Variants in HMGA2 observed in about 807,000 individuals in gnomAD.
HMGA2 encodes high mobility group AT-hook 2.
In HMGA2, 8 loss-of-function variants were observed where a neutral mutation model predicts 19.1. The ratio of observed to expected loss-of-function variants is 0.42; its 90% CI spans 0.25 to 0.76. The LOEUF is 0.76. Among genes scored for constraint, HMGA2 ranks in the 30% least tolerant of loss-of-function variants. The pLI is 0.28. For missense variants in HMGA2, 109 were observed against 136.3 expected (o/e 0.80, Z 1.00); for synonymous variants, 60 against 48.8 (o/e 1.23, Z -0.96).
chr12:65,951,657 T>A, intron 4 of HMGA2: 2 of 386,458 alleles, frequency 5.2e-6, no homozygotes, highest in Non-Finnish European at 9.4e-6. Context: ...CTTTTAAAAA[T>A]AAAACTATTT....
In HMGA2 at chr12:65,951,520, G is replaced by C. The variant is rs1274068734; in HGVS notation, c.282+105G>C. ...CCTTATTTCGCATTTTCTTACTTTT[G>C]GTTATCGTCCTGCAGTATTCCTGAA... On this transcript the variant is annotated intron_variant, in intron 4 of 4. Transcript: ENST00000403681. The C allele has an allele frequency of 1.4e-5, 11 of 779,900 alleles. No individual in the cohort carries two copies. The South Asian group carries it at 1.4e-4, about 10-fold the overall frequency. The allele number at this position is 779,900 out of a possible 1,614,324, so 48.3% of individuals were successfully genotyped here.
chr12:65,882,147 G>A (rs1304861667), intron 3 of HMGA2: 3 of 413,890 alleles, frequency 7.2e-6, no homozygotes, highest in Non-Finnish European at 1.4e-5. Flanking sequence ...AGCTGGGCAG[G>A]CGGCGAGGTC....
intron 3 of HMGA2, among the ~76,000 whole-genome samples, chr12:65,895,404 A>G (rs879272375): frequency 1.3e-5 from 2 of 152,110 alleles, no homozygotes; most frequent in Non-Finnish European, 2.9e-5. Flanking sequence ...CTTCCTTATG[A>G]TTACCTGAGG....
chr12:65,909,158 C>T (rs981382446), intron 3 of HMGA2, among the ~76,000 whole-genome samples: 1 of 152,144 alleles, frequency 6.6e-6, no homozygotes, highest in African/African-American at 2.4e-5. Context: ...ACAGAAAGTA[C>T]ATCTAAATCT....
At chr12:65,838,686 C>A in intron 3 of HMGA2, 117 bp downstream of exon 3, 2 of 753,340 alleles carry the variant, frequency 2.7e-6, no homozygotes, top group Non-Finnish European at 4.6e-6. Flanking sequence ...TTTGATGAAT[C>A]TTTGAAAGGG....
At chr12:65,892,585 T>C (rs1873957625) in intron 3 of HMGA2, among the ~76,000 whole-genome samples, 1 of 152,158 alleles carries the variant, frequency 6.6e-6, no homozygotes, top group South Asian at 2.1e-4. Context: ...CGCTTTTAAG[T>C]ATCCTGGTGA....
chr12:65,943,949 G>C (rs1876175080), intron 3 of HMGA2, among the ~76,000 whole-genome samples: 1 of 152,124 alleles, frequency 6.6e-6, no homozygotes, highest in African/African-American at 2.4e-5. Context: ...ATCACTAGGG[G>C]GCAGGTTCAT....
intron 3 of HMGA2, among the ~76,000 whole-genome samples, chr12:65,897,976 A>T (rs1874206073): frequency 6.6e-6 from 1 of 152,102 alleles, no homozygotes; most frequent in African/African-American, 2.4e-5. Context: ...AAAAAAAAAA[A>T]AAAAGTTAAA....
intron 4 of HMGA2, chr12:65,958,952 C>T (rs190779027): frequency 9.9e-5 from 15 of 152,284 alleles, no homozygotes; most frequent in Admixed American, 9.8e-4. Context: ...TGACACCACC[C>T]CTGTGTTTGT....
At chr12:65,915,157 C>T in intron 3 of HMGA2, 1 of 1,612,918 alleles carries the variant, frequency 6.2e-7, no homozygotes, top group African/African-American at 1.3e-5. Flanking sequence ...TCCAGGATAG[C>T]TCTTCATGTT....
intron 3 of HMGA2, among the ~76,000 whole-genome samples, chr12:65,907,411 CAA>C (rs762897630): frequency 2.0e-4 from 11 of 54,566 alleles, no homozygotes; most frequent in East Asian, 6.6e-4. Flanking sequence ...GATTCCGTCT[CAA>C]AAAAAAAAAA....
At chr12:65,854,045 G>T (rs1162297456) in intron 3 of HMGA2, among the ~76,000 whole-genome samples, 2 of 152,188 alleles carry the variant, frequency 1.3e-5, no homozygotes, top group African/African-American at 4.8e-5. Context: ...TAAACTATGT[G>T]TAATGCTGGG....
At chr12:65,897,692 G>C (rs757652553) in intron 3 of HMGA2, among the ~76,000 whole-genome samples, 2 of 152,220 alleles carry the variant, frequency 1.3e-5, no homozygotes, top group Non-Finnish European at 2.9e-5. Context: ...GGGCGTGGTG[G>C]CTCACGCCTG....
intron 3 of HMGA2, among the ~76,000 whole-genome samples, chr12:65,872,232 T>G (rs1872745306): frequency 6.6e-6 from 1 of 152,200 alleles, no homozygotes; most frequent in African/African-American, 2.4e-5. Context: ...CCCGTCCTGA[T>G]GTCTCTTCTG....
intron 3 of HMGA2, 71 bp downstream of exon 3, chr12:65,838,640 T>C: frequency 1.8e-6 from 2 of 1,117,120 alleles, no homozygotes; most frequent in Non-Finnish European, 2.6e-6. Context: ...TGAGAAAAGT[T>C]TTATTTCGTC....
rs118081509 is a variant in HMGA2 at position 65,841,961 on chromosome 12, A to G, written c.249+3392A>G. On this transcript the variant is annotated intron_variant, in intron 3 of 4. Coordinates refer to ENST00000403681, the MANE Select transcript of HMGA2 (RefSeq NM_003483.6). ...GTGTTAACTAGATTTGCTTAAGAACACTTCTATTGTTTACTTTAATTCCCT... is the reference window on the plus strand; with the variant it reads ...GTGTTAACTAGATTTGCTTAAGAACGCTTCTATTGTTTACTTTAATTCCCT... 2.3e-3 allele frequency among the ~76,000 whole-genome samples: 352 copies of G among 151,002 alleles called. 1 individual carries two copies. Among genetic ancestry groups the G allele is most frequent in the South Asian group, 4.8e-3 (23 of 4,804 alleles).
chr12:65,840,188 G>A (rs1350039924), intron 3 of HMGA2, among the ~76,000 whole-genome samples: 2 of 152,112 alleles, frequency 1.3e-5, no homozygotes, highest in East Asian at 1.9e-4. Context: ...TTGTACATAT[G>A]GTTCCAGTTA....
intron 3 of HMGA2, among the ~76,000 whole-genome samples, chr12:65,931,780 G>A (rs1875724491): frequency 6.6e-6 from 1 of 151,910 alleles, no homozygotes; most frequent in African/African-American, 2.4e-5. Flanking sequence ...AGAAATGAAG[G>A]TTTGTTTGAA....
At chr12:65,872,616 T>A (rs1363454468) in intron 3 of HMGA2, among the ~76,000 whole-genome samples, 2 of 152,180 alleles carry the variant, frequency 1.3e-5, no homozygotes, top group African/African-American at 2.4e-5. Flanking sequence ...TGGAGCTATA[T>A]GTTTTGAGTT....
Sources: gnomAD v4.1 joint callset for allele counts (sites outside exome capture counted in the v4.1 genomes callset) on GRCh38, gnomAD v4.1.1 for gene constraint, MANE v1.5 for transcripts, NCBI Gene and HGNC (gene_info 2026-07-23, HGNC 2026-07-21) for gene names.